Variants in HSPBAP1 observed in about 807,000 individuals in gnomAD.
The protein encoded by HSPBAP1 is HSPB1 associated protein 1.
HSPBAP1 carries 27 observed loss-of-function variants against 45.2 expected under a neutral mutation model. That is an observed-to-expected ratio of 0.60 (90% CI 0.44 to 0.82). HSPBAP1 has a LOEUF of 0.82. Ranked by LOEUF, HSPBAP1 falls within the 40% of genes least tolerant of loss-of-function variation. The pLI, the probability that HSPBAP1 is intolerant of heterozygous loss-of-function variation, is 0.00. For synonymous variants in HSPBAP1, 204 were observed against 202.7 expected (o/e 1.01, Z -0.06); for missense variants, 510 against 590.9 (o/e 0.86, Z 1.42).
chr3:122,751,407 G>A (rs1456901457), intron 6 of HSPBAP1, among the ~76,000 whole-genome samples: 1 of 152,152 alleles, frequency 6.6e-6, no homozygotes, highest in African/African-American at 2.4e-5. Context: ...AAGGTAACCT[G>A]TATCTTAAAG....
intron 6 of HSPBAP1, among the ~76,000 whole-genome samples, chr3:122,747,492 G>A (rs944676970): frequency 1.3e-5 from 2 of 151,070 alleles, no homozygotes; most frequent in African/African-American, 2.4e-5. Context: ...AGGTCGGGGG[G>A]GTCAGCCCCC....
chr3:122,779,036 T>TTC (rs1249280355), intron 1 of HSPBAP1, among the ~76,000 whole-genome samples: 1 of 148,658 alleles, frequency 6.7e-6, no homozygotes, highest in African/African-American at 2.5e-5. Flanking sequence ...TTTTCTTTCT[T>TTC]TTTCTTTTTT....
intron 6 of HSPBAP1, among the ~76,000 whole-genome samples, chr3:122,749,956 A>G (rs2107502772): frequency 6.6e-6 from 1 of 151,654 alleles, no homozygotes; most frequent in South Asian, 2.1e-4. Context: ...GCAAACAAGT[A>G]AATATGTTAC....
intron 6 of HSPBAP1, among the ~76,000 whole-genome samples, chr3:122,751,265 C>T (rs531987586): frequency 3.9e-5 from 6 of 152,316 alleles, no homozygotes; most frequent in African/African-American, 7.2e-5. Context: ...CCATATGCCA[C>T]GCACTATATT....
At chr3:122,773,376 C>T (rs1398764590) in intron 2 of HSPBAP1, among the ~76,000 whole-genome samples, 2 of 124,880 alleles carry the variant, frequency 1.6e-5, no homozygotes, top group African/African-American at 6.1e-5. Flanking sequence ...GTGGCACTAT[C>T]TTGGCTCACT....
intron 2 of HSPBAP1, among the ~76,000 whole-genome samples, chr3:122,771,404 T>A (rs924659332): frequency 3.3e-5 from 5 of 152,222 alleles, no homozygotes; most frequent in African/African-American, 1.2e-4. Context: ...TCATCCTACT[T>A]ACTGTAAAGT....
At chr3:122,781,894 C>T (rs1440713083) in intron 1 of HSPBAP1, among the ~76,000 whole-genome samples, 1 of 152,126 alleles carries the variant, frequency 6.6e-6, no homozygotes, top group Non-Finnish European at 1.5e-5. Flanking sequence ...AGGCAGATTC[C>T]ATCTCTTTGC....
chr3:122,783,757 A>T (rs902828139), intron 1 of HSPBAP1, among the ~76,000 whole-genome samples: 1 of 149,188 alleles, frequency 6.7e-6, no homozygotes, highest in Non-Finnish European at 1.5e-5. Flanking sequence ...GTTTGTACAG[A>T]TTTCTCTCAG....
chr3:122,740,268 T>C lies in HSPBAP1; in HGVS notation c.*77A>G. The C allele has an allele frequency of 1.1e-6, 1 of 901,208 alleles. No homozygotes were observed. The highest frequency in any genetic ancestry group is 1.6e-6 in the Non-Finnish European group (1 of 640,884). The allele number at this position is 901,208 out of a possible 1,614,324, so 55.8% of individuals were successfully genotyped here. A position where few individuals can be genotyped will look rare whatever the true frequency, so the allele number is the denominator to read the frequency against. On this transcript the variant is annotated 3_prime_UTR_variant, in exon 8 of 8. Coordinates refer to ENST00000306103, the MANE Select transcript of HSPBAP1 (RefSeq NM_024610.6). ...AATGTGCAAACTGACCTTTTGCTGG[T>C]TCATCTTTATTTTAGTCATACTACT... is the stretch of plus-strand genomic sequence containing the variant.
intron 6 of HSPBAP1, among the ~76,000 whole-genome samples, chr3:122,743,522 A>C (rs71330908): frequency 0.16 from 24,746 of 152,088 alleles, 2,090 homozygotes; most frequent in African/African-American, 0.2. Flanking sequence ...GCCGAGATCG[A>C]GCCATTGCAC....
At position 122,741,107 on chromosome 3, in the gene HSPBAP1, C is replaced by A. The variant is rs1933653490; in HGVS notation, c.832G>T (p.Asp278Tyr). ...SINSWIELEE[D>Y]HLARVEEAIT... is the part of the protein sequence containing the mutation. ...GCCTCTTCTACCCGGGCTAGGTGAT[C>A]CTCTTCCTGAATTAAAAAAACACGC... The change falls in exon 7 of 8, where the codon GAT becomes TAT. Residue 278 changes from aspartate (D) to tyrosine (Y), a missense_variant. Physicochemically the swap from Asp to Tyr is radical, Grantham distance 160. Coordinates refer to ENST00000306103, the MANE Select transcript of HSPBAP1 (RefSeq NM_024610.6). The A allele has an allele frequency of 3.1e-6, 5 of 1,612,354 alleles. No individual in the cohort carries two copies. Among genetic ancestry groups the A allele is most frequent in the Non-Finnish European group, 4.2e-6 (5 of 1,178,534 alleles).
chr3:122,760,881 C>T (rs948665617), intron 3 of HSPBAP1, among the ~76,000 whole-genome samples: 1 of 152,136 alleles, frequency 6.6e-6, no homozygotes, highest in Non-Finnish European at 1.5e-5. Flanking sequence ...TGAGTACCTA[C>T]CATATACGTG....
intron 1 of HSPBAP1, among the ~76,000 whole-genome samples, chr3:122,779,711 T>C (rs1935341106): frequency 6.7e-6 from 1 of 149,604 alleles, no homozygotes; most frequent in African/African-American, 2.4e-5. Flanking sequence ...TGATGACTCT[T>C]AACGAGCATG....
chr3:122,766,595 T>C (rs955066666), intron 3 of HSPBAP1, among the ~76,000 whole-genome samples: 1 of 152,194 alleles, frequency 6.6e-6, no homozygotes, highest in African/African-American at 2.4e-5. Context: ...CTGCCTTGCC[T>C]GGGGTGGGAC....
At chr3:122,770,695 T>C (rs936991393) in intron 2 of HSPBAP1, among the ~76,000 whole-genome samples, 1 of 152,120 alleles carries the variant, frequency 6.6e-6, no homozygotes, top group Non-Finnish European at 1.5e-5. Flanking sequence ...AGTGAGATCC[T>C]GTCTCAAAAA....
intron 3 of HSPBAP1, among the ~76,000 whole-genome samples, chr3:122,766,375 G>A (rs1038281305): frequency 1.3e-5 from 2 of 152,086 alleles, no homozygotes; most frequent in Non-Finnish European, 2.9e-5. Context: ...AAGAAGACTT[G>A]GTGCCCAGAA....
intron 6 of HSPBAP1, among the ~76,000 whole-genome samples, chr3:122,743,585 T>C (rs577128575): frequency 6.6e-6 from 1 of 150,684 alleles, no homozygotes; most frequent in South Asian, 2.1e-4. Flanking sequence ...AAAAAAAAAG[T>C]TTTTGTGTGG....
intron 5 of HSPBAP1, chr3:122,753,559 G>A (rs1394083260): frequency 2.0e-6 from 2 of 984,500 alleles, no homozygotes. Context: ...AAAAGCAATG[G>A]GCAGAGTCAA....
At chr3:122,776,252 T>G (rs1935188710) in intron 2 of HSPBAP1, among the ~76,000 whole-genome samples, 1 of 152,248 alleles carries the variant, frequency 6.6e-6, no homozygotes, top group African/African-American at 2.4e-5. Flanking sequence ...TTTAAATGGC[T>G]AAAATGCTAA....
Sources: gnomAD v4.1 joint callset for allele counts (sites outside exome capture counted in the v4.1 genomes callset) on GRCh38, gnomAD v4.1.1 for gene constraint, MANE v1.5 for transcripts, NCBI Gene and HGNC (gene_info 2026-07-23, HGNC 2026-07-21) for gene names.